SUGCT: variants seen among roughly 807,000 people sequenced by gnomAD.
SUGCT encodes succinyl-CoA:glutarate CoA-transferase.
Under a neutral mutation model 55.0 loss-of-function variants are expected in SUGCT, and 41 were observed. The ratio of observed to expected loss-of-function variants is 0.74; its 90% CI spans 0.58 to 0.97. The LOEUF (loss-of-function observed/expected upper bound fraction) is 0.97, where lower values mean the gene tolerates loss of function less well. SUGCT is among the 50% of genes least tolerant of loss of function. The pLI, the probability that SUGCT is intolerant of heterozygous loss-of-function variation, is 0.00. For missense variants in SUGCT, 568 were observed against 547.8 expected (o/e 1.04, Z -0.37); for synonymous variants, 187 against 200.4 (o/e 0.93, Z 0.56).
intron 12 of SUGCT, among the ~76,000 whole-genome samples, chr7:40,551,827 A>C (rs1188669110): frequency 6.6e-6 from 1 of 152,244 alleles, no homozygotes; most frequent in Non-Finnish European, 1.5e-5. Context: ...GGTCTGAGGC[A>C]AGGGTGCTGA....
chr7:40,658,899 T>C, intron 12 of SUGCT, among the ~76,000 whole-genome samples: 1 of 152,032 alleles, frequency 6.6e-6, no homozygotes, highest in East Asian at 1.9e-4. Context: ...CTACAGAAAA[T>C]TTCTTCTGTT....
At chr7:40,232,981 A>G (rs1158482411) in intron 6 of SUGCT, among the ~76,000 whole-genome samples, 1 of 152,122 alleles carries the variant, frequency 6.6e-6, no homozygotes, top group Non-Finnish European at 1.5e-5. Context: ...TCCCAGGCTT[A>G]ACATTTTTTC....
rs1184860138 is a variant in SUGCT at position 40,195,063 on chromosome 7, A to G, written c.484+3A>G. 1 of 1,610,760 alleles carries G rather than the reference A, an allele frequency of 6.2e-7. No individual in the cohort carries two copies. The highest frequency in any genetic ancestry group is 8.5e-7 in the Non-Finnish European group (1 of 1,178,482). ...CATCATCTATTGTTCCATCACAGGT[A>G]TTTCAACCCCACACCCTTGTCAGTT... On this transcript the variant is annotated splice_donor_region_variant and intron_variant, in intron 6 of 13. Coordinates refer to ENST00000335693, the MANE Select transcript of SUGCT (RefSeq NM_001193313.2).
chr7:40,684,264 AGG>A, intron 12 of SUGCT: 1 of 1,319,290 alleles, frequency 7.6e-7, no homozygotes, highest in Non-Finnish European at 9.9e-7. Context: ...CACAGGTTTC[AGG>A]GATTAGGACA....
intron 13 of SUGCT, among the ~76,000 whole-genome samples, chr7:40,845,582 G>A (rs1307354912): frequency 6.6e-6 from 1 of 152,172 alleles, no homozygotes; most frequent in Non-Finnish European, 1.5e-5. Context: ...TAAGGCCAGG[G>A]ATTAGAGTGC....
chr7:40,751,307 G>A (rs916207881), intron 13 of SUGCT, among the ~76,000 whole-genome samples: 3 of 152,074 alleles, frequency 2.0e-5, no homozygotes, highest in Admixed American at 2.0e-4. Flanking sequence ...GGAGAGCCTG[G>A]GGGCCCTGTT....
chr7:40,994,459 C>G, the SUGCT span, among the ~76,000 whole-genome samples: 1 of 152,088 alleles, frequency 6.6e-6, no homozygotes, highest in East Asian at 1.9e-4. Flanking sequence ...ACTCCTTGAC[C>G]TGAATAAAAA....
chr7:40,401,475 C>T (rs1031847968), intron 9 of SUGCT, among the ~76,000 whole-genome samples: 2 of 152,116 alleles, frequency 1.3e-5, no homozygotes, highest in Admixed American at 6.6e-5. Flanking sequence ...TGTTAAGAGG[C>T]TACTAATTTA....
chr7:40,754,446 C>T (rs1376815270), intron 13 of SUGCT, among the ~76,000 whole-genome samples: 1 of 152,192 alleles, frequency 6.6e-6, no homozygotes, highest in East Asian at 1.9e-4. Context: ...CCCCTGCCCC[C>T]GACAACTAAC....
chr7:40,227,721 G>A (rs987303765), intron 6 of SUGCT, among the ~76,000 whole-genome samples: 3 of 151,932 alleles, frequency 2.0e-5, no homozygotes, highest in Admixed American at 2.0e-4. Context: ...ATATCTAGTA[G>A]GAAAGGACTC....
the SUGCT span, among the ~76,000 whole-genome samples, chr7:40,909,526 G>A: frequency 1.3e-5 from 2 of 152,206 alleles, no homozygotes; most frequent in Non-Finnish European, 2.9e-5. Flanking sequence ...TGAGGTGTGG[G>A]CTGCAGACCT....
intron 13 of SUGCT, chr7:40,785,306 T>G (rs1201645844): frequency 2.0e-5 from 3 of 152,200 alleles, no homozygotes; most frequent in Admixed American, 1.3e-4. Flanking sequence ...ATTAGCTCAG[T>G]GAAATGAATT....
chr7:40,822,464 T>C (rs1299591072), intron 13 of SUGCT, among the ~76,000 whole-genome samples: 2 of 152,174 alleles, frequency 1.3e-5, no homozygotes, highest in East Asian at 3.8e-4. Flanking sequence ...TGGGTGCATA[T>C]ATATTTAGTA....
chr7:41,011,809 G>GTATACATT, the SUGCT span, among the ~76,000 whole-genome samples: 1 of 152,144 alleles, frequency 6.6e-6, no homozygotes, highest in Non-Finnish European at 1.5e-5. Context: ...TGATTCACAG[G>GTATACATT]TATACATTTT....
Position 40,833,938 on chromosome 7 carries a change from A to G in SUGCT, c.1154-26378A>G, listed in dbSNP as rs1792826654. 2.0e-5 allele frequency among the ~76,000 whole-genome samples: 3 copies of G among 152,164 alleles called. 1 individual carries two copies. The highest frequency in any genetic ancestry group is 2.0e-4 in the Admixed American group (3 of 15,284). The stretch of plus-strand genomic sequence containing the variant: ...TTTGAAAATCAATAGAACCATTAGA[A>G]ATTGTTTTCAGCATTGTTTTAACGT... On this transcript the variant is annotated intron_variant, in intron 13 of 13. Transcript: ENST00000335693.
At chr7:40,763,492 T>G (rs761637592) in intron 13 of SUGCT, among the ~76,000 whole-genome samples, 16 of 152,198 alleles carry the variant, frequency 1.1e-4, no homozygotes, top group Non-Finnish European at 1.9e-4. Flanking sequence ...TTTTATAAAC[T>G]TTAGGCTTAG....
At chr7:40,480,458 G>A (rs73122134) in intron 11 of SUGCT, among the ~76,000 whole-genome samples, 15,729 of 151,998 alleles carry the variant, frequency 0.1, 1,102 homozygotes, top group Middle Eastern at 0.19. Flanking sequence ...GTGAGATGCC[G>A]CCAGTTTTGC....
intron 11 of SUGCT, among the ~76,000 whole-genome samples, chr7:40,483,317 ACTT>A (rs539066934): frequency 2.4e-4 from 36 of 152,014 alleles, no homozygotes; most frequent in Non-Finnish European, 4.0e-4. Context: ...GTTCCTAAAA[ACTT>A]CTTCTTCTCT....
intron 12 of SUGCT, among the ~76,000 whole-genome samples, chr7:40,582,121 T>C (rs1204291768): frequency 1.3e-5 from 2 of 151,902 alleles, no homozygotes; most frequent in Non-Finnish European, 2.9e-5. Context: ...ATAACAATAA[T>C]AAGGAAAAGT....
Sources: gnomAD v4.1 joint callset for allele counts (sites outside exome capture counted in the v4.1 genomes callset) on GRCh38, gnomAD v4.1.1 for gene constraint, MANE v1.5 for transcripts, NCBI Gene and HGNC (gene_info 2026-07-23, HGNC 2026-07-21) for gene names.